SPATS2: variants seen among roughly 807,000 people sequenced by gnomAD.
The protein encoded by SPATS2 is spermatogenesis associated serine rich 2, also known as spermatogenesis-associated serine-rich protein 2.
Under a neutral mutation model 63.7 loss-of-function variants are expected in SPATS2, and 38 were observed. The observed-to-expected ratio is 0.60, with a 90% CI of 0.46 to 0.78. The LOEUF is 0.78. Ranked by LOEUF, SPATS2 falls within the 30% of genes least tolerant of loss-of-function variation. SPATS2 has a pLI of 0.00. For synonymous variants in SPATS2, 207 were observed against 232.9 expected, an observed-to-expected ratio of 0.89 and a Z score of 1.01; for missense variants, 588 against 666.2, an observed-to-expected ratio of 0.88 and a Z score of 1.29.
chr12:49,513,584 C>A (rs920602463), intron 9 of SPATS2, among the ~76,000 whole-genome samples: 12 of 152,118 alleles, frequency 7.9e-5, no homozygotes, highest in African/African-American at 2.9e-4. Context: ...ATTTAATGTT[C>A]TTTTTCTGTA....
At chr12:49,412,049 A>T (rs751078325) in intron 2 of SPATS2, among the ~76,000 whole-genome samples, 16 of 152,184 alleles carry the variant, frequency 1.1e-4, no homozygotes, top group Non-Finnish European at 2.1e-4. Flanking sequence ...GGATTTAAAG[A>T]TGACGAGGCC....
intron 2 of SPATS2, among the ~76,000 whole-genome samples, chr12:49,398,464 C>A (rs1236065035): frequency 1.3e-5 from 2 of 151,950 alleles, no homozygotes; most frequent in Non-Finnish European, 2.9e-5. Flanking sequence ...AAGATAAATT[C>A]AAGAGAATTT....
intron 12 of SPATS2, among the ~76,000 whole-genome samples, chr12:49,524,387 T>G (rs954662968): frequency 9.2e-5 from 14 of 152,192 alleles, no homozygotes; most frequent in Non-Finnish European, 1.9e-4. Context: ...GTCAGGAGTT[T>G]AGGTAGTACT....
intron 8 of SPATS2, 47 bp downstream of exon 8, chr12:49,497,056 T>G: frequency 1.3e-6 from 2 of 1,500,902 alleles, no homozygotes; most frequent in South Asian, 2.7e-5. Flanking sequence ...ATCTGTGTTT[T>G]TGGCTAAAGA....
intron 2 of SPATS2, among the ~76,000 whole-genome samples, chr12:49,436,305 C>T (rs905491361): frequency 3.7e-5 from 5 of 135,156 alleles, no homozygotes; most frequent in African/African-American, 1.4e-4. Context: ...GATGGGGCGG[C>T]TGGCCGGGCA....
chr12:49,371,596 A>G (rs1943998236), intron 2 of SPATS2, among the ~76,000 whole-genome samples: 1 of 152,166 alleles, frequency 6.6e-6, no homozygotes, highest in Non-Finnish European at 1.5e-5. Context: ...AGACTGGGTA[A>G]TTTATAAAGA....
At chr12:49,431,906 C>T (rs1300510182) in intron 2 of SPATS2, among the ~76,000 whole-genome samples, 1 of 152,050 alleles carries the variant, frequency 6.6e-6, no homozygotes. Context: ...GTAGTGTGCA[C>T]CTGTAGTCCC....
rs369263099 is a variant in SPATS2 at position 49,494,486 on chromosome 12, T to G, written c.265-255T>G. Among the ~76,000 whole-genome samples the G allele has an allele frequency of 1.9e-3, 293 of 152,308 alleles. 1 individual carries two copies. Among genetic ancestry groups the G allele is most frequent in the African/African-American group, 6.7e-3 (278 of 41,566 alleles). On this transcript the variant is annotated intron_variant, in intron 6 of 13. Transcript: ENST00000552918. ...CACATTTTGTAATTTATCTTTTGATTTTGTTGAAGGTGGGTTTTGTCATGA... is the reference window on the plus strand; with the variant it reads ...CACATTTTGTAATTTATCTTTTGATGTTGTTGAAGGTGGGTTTTGTCATGA...
At chr12:49,464,903 C>T (rs1945885464) in intron 3 of SPATS2, among the ~76,000 whole-genome samples, 3 of 152,298 alleles carry the variant, frequency 2.0e-5, no homozygotes, top group African/African-American at 7.2e-5. Context: ...CTCCCTACCC[C>T]AGCCACAGGC....
chr12:49,367,507 T>G lies in SPATS2; in HGVS notation c.-387T>G, dbSNP rs947177704. On this transcript the variant is annotated 5_prime_UTR_variant, in exon 1 of 14. Transcript: ENST00000552918. ...TAGAAGGGGAGGTGGAGGATCTCCT[T>G]TCCTCTTCTCAGACCCGGGAGCGTC... 18 of 398,302 alleles carry G rather than the reference T, an allele frequency of 4.5e-5. No individual in the cohort carries two copies. The highest frequency in any genetic ancestry group is 7.1e-5 in the Non-Finnish European group (16 of 226,432). The allele number at this position is 398,302 out of a possible 1,614,324, so 24.7% of individuals were successfully genotyped here.
At chr12:49,481,768 A>G (rs1456959455) in intron 3 of SPATS2, among the ~76,000 whole-genome samples, 3 of 152,006 alleles carry the variant, frequency 2.0e-5, no homozygotes, top group Admixed American at 6.6e-5. Context: ...TGGCCTAGGC[A>G]TCCTCATATT....
intron 5 of SPATS2, 78 bp from the exon 6 acceptor site, chr12:49,490,604 A>G (rs1395587330): frequency 1.5e-6 from 2 of 1,349,564 alleles, no homozygotes; most frequent in African/African-American, 2.9e-5. Flanking sequence ...AGCAATTACA[A>G]AATGGGAGGA....
chr12:49,499,437 T>A, intron 8 of SPATS2, among the ~76,000 whole-genome samples: 1 of 149,330 alleles, frequency 6.7e-6, no homozygotes, highest in East Asian at 1.9e-4. Flanking sequence ...TTGTTTTGTT[T>A]TGTTTTTTGG....
intron 2 of SPATS2, among the ~76,000 whole-genome samples, chr12:49,392,534 G>A (rs371733984): frequency 7.9e-5 from 12 of 151,990 alleles, no homozygotes; most frequent in Admixed American, 5.2e-4. Flanking sequence ...CCAACATGGC[G>A]AAACCCTGTC....
At chr12:49,369,489 T>G (rs1286734892) in intron 1 of SPATS2, among the ~76,000 whole-genome samples, 1 of 152,246 alleles carries the variant, frequency 6.6e-6, no homozygotes, top group African/African-American at 2.4e-5. Context: ...AAAGCTTTAT[T>G]CAGACCTAGC....
At chr12:49,367,732 C>T (rs1035451652) in intron 1 of SPATS2, 145 bp downstream of exon 1, 6 of 386,604 alleles carry the variant, frequency 1.6e-5, no homozygotes, top group African/African-American at 2.1e-5. Flanking sequence ...CCTTAGAGGC[C>T]CGAAGTGCCC....
At chr12:49,464,817 A>G (rs183874527) in intron 3 of SPATS2, among the ~76,000 whole-genome samples, 14 of 151,952 alleles carry the variant, frequency 9.2e-5, no homozygotes, top group African/African-American at 3.4e-4. Flanking sequence ...GAGCGGGACC[A>G]TGTCTCTTAA....
At chr12:49,499,839 T>C (rs1187151622) in intron 8 of SPATS2, among the ~76,000 whole-genome samples, 1 of 152,180 alleles carries the variant, frequency 6.6e-6, no homozygotes, top group African/African-American at 2.4e-5. Flanking sequence ...TTTGTATGTT[T>C]TTAGTTGTTT....
chr12:49,449,689 C>T (rs1945583306), intron 2 of SPATS2, among the ~76,000 whole-genome samples: 1 of 152,302 alleles, frequency 6.6e-6, no homozygotes, highest in Admixed American at 6.5e-5. Context: ...TACATGGAAG[C>T]AGGCAAGAAA....
Sources: allele counts gnomAD v4.1 joint callset (sites outside exome capture counted in the v4.1 genomes callset), GRCh38; gene constraint gnomAD v4.1.1; transcripts MANE v1.5; gene names NCBI Gene and HGNC (gene_info 2026-07-23, HGNC 2026-07-21).